The following TPD52L1 variants were observed in gnomAD, a reference collection of about 807,000 sequenced individuals.
TPD52L1 encodes the protein TPD52 like 1, also known as tumor protein D53.
In TPD52L1, 18 loss-of-function variants were observed where a neutral mutation model predicts 28.7. The ratio of observed to expected loss-of-function variants is 0.63; its 90% CI spans 0.43 to 0.93. The LOEUF is 0.93. TPD52L1 is among the 40% of genes least tolerant of loss of function. The pLI, the probability that TPD52L1 is intolerant of heterozygous loss-of-function variation, is 0.00. For synonymous variants in TPD52L1, 75 were observed against 88.8 expected, an observed-to-expected ratio of 0.84 and a Z score of 0.88; for missense variants, 203 against 254.8, an observed-to-expected ratio of 0.80 and a Z score of 1.39.
At chr6:125,183,636 A>T (rs1335076622) in intron 1 of TPD52L1, among the ~76,000 whole-genome samples, 1 of 152,220 alleles carries the variant, frequency 6.6e-6, no homozygotes, top group Non-Finnish European at 1.5e-5. Flanking sequence ...TCTTAAGGGA[A>T]GTATTTTTAA....
At chr6:125,188,883 G>T (rs997673967) in intron 1 of TPD52L1, among the ~76,000 whole-genome samples, 2 of 152,200 alleles carry the variant, frequency 1.3e-5, no homozygotes, top group African/African-American at 4.8e-5. Context: ...TTTCACATAT[G>T]CCAATAAGGT....
intron 4 of TPD52L1, among the ~76,000 whole-genome samples, chr6:125,251,436 A>T (rs1797259208): frequency 6.6e-6 from 1 of 152,142 alleles, no homozygotes; most frequent in South Asian, 2.1e-4. Flanking sequence ...TAAAACCTAG[A>T]ATTTGGGCCT....
rs549747240 is a variant in TPD52L1 at position 125,172,099 on chromosome 6, CCTTTCTTTCTTTCTTT to C, written c.19+18174_19+18189del. Among the ~76,000 whole-genome samples, 574 of 76,106 alleles carry C rather than the reference CCTTTCTTTCTTTCTTT, an allele frequency of 7.5e-3. 10 individuals are homozygous for C. Among genetic ancestry groups the C allele is most frequent in the Middle Eastern group, 0.014 (2 of 140 alleles). The allele number at this position is 76,106 out of a possible 152,430, so 49.9% of individuals were successfully genotyped here. Reference sequence around the variant, plus strand: ...TTCTTTCTCTTTCTTTCTTTCTTTCCCTTTCTTTCTTTCTTTCTTTCTTTCTTTCTTTCTTTCTTTC... The same window carrying C: ...TTCTTTCTCTTTCTTTCTTTCTTTCCCTTTCTTTCTTTCTTTCTTTCTTTC... On this transcript the variant is annotated intron_variant, in intron 1 of 6. Coordinates refer to ENST00000534000, the MANE Select transcript of TPD52L1 (RefSeq NM_003287.4).
chr6:125,165,424 G>A (rs1484354217), intron 1 of TPD52L1, among the ~76,000 whole-genome samples: 3 of 152,102 alleles, frequency 2.0e-5, no homozygotes, highest in Admixed American at 6.6e-5. Context: ...AGTGTGAATC[G>A]TTTATAAGTG....
At chr6:125,232,328 T>G (rs7741633) in intron 3 of TPD52L1, among the ~76,000 whole-genome samples, 40,490 of 152,034 alleles carry the variant, frequency 0.27, 7,472 homozygotes, top group African/African-American at 0.52. Context: ...CCCCAACCCT[T>G]TCTTCTTGGT....
chr6:125,209,385 C>T (rs1299404647), intron 1 of TPD52L1, among the ~76,000 whole-genome samples: 1 of 152,200 alleles, frequency 6.6e-6, no homozygotes, highest in Non-Finnish European at 1.5e-5. Flanking sequence ...CTCCGGGAAA[C>T]CAGTCCTGTA....
chr6:125,197,279 A>G (rs537501424), intron 1 of TPD52L1, among the ~76,000 whole-genome samples: 2 of 152,330 alleles, frequency 1.3e-5, no homozygotes, highest in South Asian at 2.1e-4. Context: ...AATCCCTTGA[A>G]TGATTTTACG....
intron 1 of TPD52L1, chr6:125,209,036 CTTTA>C (rs1234936881): frequency 1.3e-6 from 1 of 787,166 alleles, no homozygotes. Flanking sequence ...TCTGACACAG[CTTTA>C]TTTATTTCCC....
chr6:125,229,346 C>A, intron 3 of TPD52L1, 80 bp downstream of exon 3: 1 of 1,402,498 alleles, frequency 7.1e-7, no homozygotes, highest in Non-Finnish European at 9.5e-7. Context: ...ATTTTTCCTA[C>A]AAGGCTGATT....
chr6:125,194,023 GT>G (rs3040726), intron 1 of TPD52L1, among the ~76,000 whole-genome samples: 26,231 of 124,162 alleles, frequency 0.21, 1,744 homozygotes, highest in African/African-American at 0.33. Flanking sequence ...CTTCTGAATA[GT>G]TTTTTTTTTT....
At chr6:125,233,325 C>G (rs1005050687) in intron 3 of TPD52L1, among the ~76,000 whole-genome samples, 9 of 152,132 alleles carry the variant, frequency 5.9e-5, no homozygotes, top group African/African-American at 1.9e-4. Context: ...TTTATTTACT[C>G]TTTGATTTTG....
intron 1 of TPD52L1, among the ~76,000 whole-genome samples, chr6:125,202,587 G>GAGAAGA (rs147691134): frequency 0.053 from 8,049 of 152,124 alleles, 322 homozygotes; most frequent in Non-Finnish European, 0.074. Flanking sequence ...GGAGGAGAAG[G>GAGAAGA]AGAAGAAGAA....
intron 1 of TPD52L1, among the ~76,000 whole-genome samples, chr6:125,161,033 A>G (rs975703086): frequency 1.3e-5 from 2 of 152,014 alleles, no homozygotes; most frequent in African/African-American, 2.4e-5. Flanking sequence ...TTGTGTTTTT[A>G]GTAGAGATGG....
At chr6:125,173,069 G>A (rs990711327) in intron 1 of TPD52L1, among the ~76,000 whole-genome samples, 1 of 152,078 alleles carries the variant, frequency 6.6e-6, no homozygotes, top group Non-Finnish European at 1.5e-5. Context: ...TTGGTTTATC[G>A]ATCAATATTG....
At chr6:125,180,487 A>G (rs1446864730) in intron 1 of TPD52L1, among the ~76,000 whole-genome samples, 1 of 152,124 alleles carries the variant, frequency 6.6e-6, no homozygotes, top group Non-Finnish European at 1.5e-5. Flanking sequence ...AATTACTGAC[A>G]CATATAAGAA....
At chr6:125,207,920 G>A (rs945771422) in intron 1 of TPD52L1, among the ~76,000 whole-genome samples, 3 of 152,180 alleles carry the variant, frequency 2.0e-5, no homozygotes, top group Non-Finnish European at 2.9e-5. Context: ...GGGAGGACGA[G>A]GCAAGATAAG....
chr6:125,164,128 G>A (rs142544566), intron 1 of TPD52L1, among the ~76,000 whole-genome samples: 5 of 152,134 alleles, frequency 3.3e-5, no homozygotes, highest in African/African-American at 1.2e-4. Flanking sequence ...CATTCTATAG[G>A]TACTTTGTAT....
At chr6:125,251,161 T>C (rs1296667236) in intron 4 of TPD52L1, among the ~76,000 whole-genome samples, 1 of 152,212 alleles carries the variant, frequency 6.6e-6, no homozygotes, top group Non-Finnish European at 1.5e-5. Flanking sequence ...TGATTGTTTG[T>C]TCAAAAACTA....
intron 1 of TPD52L1, among the ~76,000 whole-genome samples, chr6:125,163,242 C>T (rs1456006132): frequency 6.6e-6 from 1 of 152,106 alleles, no homozygotes; most frequent in Non-Finnish European, 1.5e-5. Context: ...GTGATAATAG[C>T]AATAACATTT....
Sources: gnomAD v4.1 joint callset for allele counts (sites outside exome capture counted in the v4.1 genomes callset) on GRCh38, gnomAD v4.1.1 for gene constraint, MANE v1.5 for transcripts, NCBI Gene and HGNC (gene_info 2026-07-23, HGNC 2026-07-21) for gene names.